The following ARB2A variants were observed in gnomAD, a reference collection of about 807,000 sequenced individuals.
ARB2A encodes ARB2 cotranscriptional regulator A.
chr5:94,000,299 T>C, the ARB2A span, among the ~76,000 whole-genome samples: 4 of 152,184 alleles, frequency 2.6e-5, no homozygotes, highest in Middle Eastern at 3.4e-3. Context: ...AGAGTTCCTA[T>C]TGCTCCACAT....
the ARB2A span, among the ~76,000 whole-genome samples, chr5:93,707,954 C>T: frequency 6.6e-6 from 1 of 152,146 alleles, no homozygotes; most frequent in Non-Finnish European, 1.5e-5. Flanking sequence ...CCATTTACTC[C>T]TTTCCTCAAC....
the ARB2A span, among the ~76,000 whole-genome samples, chr5:93,664,279 T>G: frequency 2.0e-5 from 3 of 152,008 alleles, no homozygotes; most frequent in African/African-American, 7.2e-5. Flanking sequence ...CAGGTTCTCA[T>G]TATGTTGGTG....
At chr5:94,034,332 T>C in the ARB2A span, among the ~76,000 whole-genome samples, 1 of 152,196 alleles carries the variant, frequency 6.6e-6, no homozygotes, top group East Asian at 1.9e-4. Context: ...TTGAGGAACA[T>C]GTTTAGAGGT....
At chr5:93,709,352 G>A in the ARB2A span, among the ~76,000 whole-genome samples, 1 of 151,750 alleles carries the variant, frequency 6.6e-6, no homozygotes, top group Admixed American at 6.6e-5. Context: ...AAATTGCAGA[G>A]GGCCAGGCGC....
the ARB2A span, among the ~76,000 whole-genome samples, chr5:93,627,095 G>A: frequency 6.6e-6 from 1 of 152,174 alleles, no homozygotes; most frequent in Non-Finnish European, 1.5e-5. Flanking sequence ...TCATCCATAA[G>A]AAATAACTCC....
At chr5:94,015,652 A>C in the ARB2A span, among the ~76,000 whole-genome samples, 7 of 152,248 alleles carry the variant, frequency 4.6e-5, no homozygotes, top group Admixed American at 2.0e-4. Flanking sequence ...TAAAAGTCAA[A>C]ATTGGGGGTT....
chr5:93,705,654 T>G, the ARB2A span, among the ~76,000 whole-genome samples: 1 of 116,644 alleles, frequency 8.6e-6, no homozygotes, highest in Non-Finnish European at 1.7e-5. Flanking sequence ...TGTGTGTGTA[T>G]ATATATATAT....
chr5:93,990,633 A>AG, the ARB2A span, among the ~76,000 whole-genome samples: 4 of 151,112 alleles, frequency 2.6e-5, no homozygotes, highest in Non-Finnish European at 5.9e-5. Context: ...AAAAAAAAAA[A>AG]AAAAAAAAAA....
the ARB2A span, among the ~76,000 whole-genome samples, chr5:93,820,493 G>A: frequency 6.6e-6 from 1 of 152,126 alleles, no homozygotes; most frequent in Non-Finnish European, 1.5e-5. Flanking sequence ...CAAAAAATGA[G>A]CCTGAATTTT....
chr5:94,049,124 T>C, the ARB2A span, among the ~76,000 whole-genome samples: 1 of 152,268 alleles, frequency 6.6e-6, no homozygotes, highest in East Asian at 1.9e-4. Flanking sequence ...AACTTATGTG[T>C]CCACATGCAT....
chr5:93,845,635 A>G, the ARB2A span, among the ~76,000 whole-genome samples: 3 of 152,214 alleles, frequency 2.0e-5, no homozygotes, highest in Non-Finnish European at 2.9e-5. Context: ...CAGGATATAC[A>G]CAGGCCCACA....
At chr5:93,795,951 T>C in the ARB2A span, among the ~76,000 whole-genome samples, 1 of 152,154 alleles carries the variant, frequency 6.6e-6, no homozygotes, top group Non-Finnish European at 1.5e-5. Context: ...ATATGTCAGA[T>C]AAAGCAAGTT....
chr5:93,822,129 T>C, the ARB2A span, among the ~76,000 whole-genome samples: 2 of 152,140 alleles, frequency 1.3e-5, no homozygotes, highest in African/African-American at 4.8e-5. Context: ...CTGACAAAGC[T>C]CCTTTTTAAC....
chr5:93,696,122 CGTG>C, the ARB2A span, among the ~76,000 whole-genome samples: 1 of 152,018 alleles, frequency 6.6e-6, no homozygotes, highest in Non-Finnish European at 1.5e-5. Flanking sequence ...CACCGTGGCA[CGTG>C]TATACCTATG....
chr5:94,006,009 C>A, the ARB2A span, among the ~76,000 whole-genome samples: 2 of 152,268 alleles, frequency 1.3e-5, no homozygotes, highest in East Asian at 1.9e-4. Context: ...AACTACAATA[C>A]AACTAGCAAT....
chr5:93,804,497 A>G, the ARB2A span, among the ~76,000 whole-genome samples: 1 of 151,894 alleles, frequency 6.6e-6, no homozygotes, highest in African/African-American at 2.4e-5. Context: ...TTATACTTTC[A>G]ATAATAATTC....
At chr5:93,687,414 A>G in the ARB2A span, among the ~76,000 whole-genome samples, 1 of 152,216 alleles carries the variant, frequency 6.6e-6, no homozygotes, top group Non-Finnish European at 1.5e-5. Flanking sequence ...GCAAAAATGT[A>G]CAAAGATACT....
chr5:93,789,387 A>G, the ARB2A span, among the ~76,000 whole-genome samples: 8 of 151,604 alleles, frequency 5.3e-5, no homozygotes, highest in Admixed American at 3.9e-4. Context: ...AGATGCCTTT[A>G]AAAAAAATAC....
At chr5:94,047,273 C>T in the ARB2A span, among the ~76,000 whole-genome samples, 1 of 152,120 alleles carries the variant, frequency 6.6e-6, no homozygotes, top group African/African-American at 2.4e-5. Flanking sequence ...GGGCAGATCA[C>T]CTGAGGTCAG....
Sources: gnomAD v4.1 joint callset for allele counts (sites outside exome capture counted in the v4.1 genomes callset) on GRCh38, gnomAD v4.1.1 for gene constraint, MANE v1.5 for transcripts, NCBI Gene and HGNC (gene_info 2026-07-23, HGNC 2026-07-21) for gene names.